The following UCK2 variants were observed in gnomAD, a reference collection of about 807,000 sequenced individuals.
UCK2 encodes the protein cytidine monophosphokinase 2.
Under a neutral mutation model 30.8 loss-of-function variants are expected in UCK2, and 6 were observed. The ratio of observed to expected loss-of-function variants is 0.19; its 90% confidence interval spans 0.11 to 0.38. The LOEUF (loss-of-function observed/expected upper bound fraction) is 0.38. Among genes scored for constraint, UCK2 ranks in the 10% least tolerant of loss-of-function variants. The pLI, the probability that UCK2 is intolerant of heterozygous loss-of-function variation, is 1.00. For synonymous variants in UCK2, 125 were observed against 133.6 expected (o/e 0.94, Z 0.45); for missense variants, 210 against 339.8 (o/e 0.62, Z 3.00).
chr1:165,889,934 C>T (rs1323748631), intron 1 of UCK2, among the ~76,000 whole-genome samples: 1 of 152,084 alleles, frequency 6.6e-6, no homozygotes, highest in African/African-American at 2.4e-5. Context: ...CAAGTGGGAA[C>T]ATGCAGTATT....
chr1:165,843,054 G>A (rs1405402728), intron 1 of UCK2, among the ~76,000 whole-genome samples: 3 of 151,864 alleles, frequency 2.0e-5, no homozygotes, highest in African/African-American at 7.2e-5. Flanking sequence ...TCTGTCAGTT[G>A]ACTGCAATCT....
rs1311576487 is a variant in UCK2 at position 165,852,229 on chromosome 1, TTAAAC to T, written c.99+24302_99+24306del. ...TGATAAATTGATAAAGTTGATCTAA[TTAAAC>T]TAAAGAACTTCTGCACAGCAAAAGA... On this transcript the variant is annotated intron_variant, in intron 1 of 6. Transcript: ENST00000367879. Among the ~76,000 whole-genome samples, 7 of 152,324 alleles carry T rather than the reference TTAAAC, an allele frequency of 4.6e-5. No homozygotes were observed. The East Asian group carries it at 7.7e-4, about 17-fold the overall frequency.
At chr1:165,855,875 A>G (rs1395916747) in intron 1 of UCK2, among the ~76,000 whole-genome samples, 1 of 152,174 alleles carries the variant, frequency 6.6e-6, no homozygotes, top group Non-Finnish European at 1.5e-5. Flanking sequence ...TGCAGAGTAG[A>G]GAAATCAAAA....
intron 4 of UCK2, chr1:165,900,231 A>G (rs1012536580): frequency 8.5e-5 from 13 of 152,186 alleles, no homozygotes; most frequent in South Asian, 4.1e-4. Flanking sequence ...TGCCCTCCCA[A>G]CGCGTCCTCA....
Position 165,907,957 on chromosome 1 carries a change from AT to A in UCK2, c.*144del, listed in dbSNP as rs576483016. ...ACACCATGGAGATGAAATGCCTTTG[AT>A]TTTTTTTTTCTTTTTGTACTTTGGA... On this transcript the variant is annotated 3_prime_UTR_variant, in exon 7 of 7. Transcript: ENST00000367879. 586 of 1,237,246 alleles carry A rather than the reference AT, an allele frequency of 4.7e-4. No individual in the cohort carries two copies. Among genetic ancestry groups the A allele is most frequent in the South Asian group, 6.9e-4 (37 of 53,286 alleles). The allele number at this position is 1,237,246 out of a possible 1,614,324, so 76.6% of individuals were successfully genotyped here.
rs1647795895 is a variant in UCK2, at chr1:165,909,933, C to T, written c.*2110C>T. ...GGTGCCAAACCATTTAGTGCCTTGG[C>T]TGTTTATCCCACTGCCTTGGAAGAT... On this transcript the variant is annotated 3_prime_UTR_variant, in exon 7 of 7. Transcript: ENST00000367879. The T allele has an allele frequency of 6.6e-6, 1 of 152,266 alleles. No homozygotes were observed. Among genetic ancestry groups the T allele is most frequent in the Non-Finnish European group, 1.5e-5 (1 of 68,070 alleles). The allele number at this position is 152,266 out of a possible 1,614,324, so 9.4% of individuals were successfully genotyped here. A position where few individuals can be genotyped will look rare whatever the true frequency, so the allele number is the denominator to read the frequency against.
At chr1:165,897,576 G>A (rs1464963701) in intron 4 of UCK2, among the ~76,000 whole-genome samples, 1 of 152,138 alleles carries the variant, frequency 6.6e-6, no homozygotes, top group African/African-American at 2.4e-5. Flanking sequence ...CTAGTCACAG[G>A]ACACATTATT....
At chr1:165,880,592 T>G (rs976615584) in intron 1 of UCK2, among the ~76,000 whole-genome samples, 7 of 99,600 alleles carry the variant, frequency 7.0e-5, no homozygotes, top group East Asian at 2.6e-4. Flanking sequence ...TGTGTGTGTG[T>G]GTGTGTGTGT....
intron 1 of UCK2, chr1:165,885,232 A>C (rs556263967): frequency 2.8e-5 from 11 of 393,870 alleles, no homozygotes; most frequent in African/African-American, 2.1e-4. Context: ...TTGGAGTTAG[A>C]CCTATGGTTT....
chr1:165,831,575 C>A (rs1206691978), intron 1 of UCK2, among the ~76,000 whole-genome samples: 1 of 152,146 alleles, frequency 6.6e-6, no homozygotes, highest in African/African-American at 2.4e-5. Context: ...ACTAAAATAG[C>A]CTCTGAAACG....
In UCK2 at chr1:165,909,456, G is replaced by C. The variant is rs986471299; in HGVS notation, c.*1633G>C. 1 of 152,158 alleles carries C rather than the reference G, an allele frequency of 6.6e-6. No individual in the cohort carries two copies. The allele number at this position is 152,158 out of a possible 1,614,324, so 9.4% of individuals were successfully genotyped here. ...GTAAATTGGTCTCCATTATTACCTG[G>C]TCACACCAGATTTTCCCCCAGACTC... On this transcript the variant is annotated 3_prime_UTR_variant, in exon 7 of 7. Coordinates refer to ENST00000367879, the MANE Select transcript of UCK2 (RefSeq NM_012474.5).
chr1:165,842,971 G>T (rs1654367091), intron 1 of UCK2, among the ~76,000 whole-genome samples: 1 of 152,174 alleles, frequency 6.6e-6, no homozygotes, highest in South Asian at 2.1e-4. Context: ...TGCTTCTGAT[G>T]TGCCTCTTTT....
intron 1 of UCK2, among the ~76,000 whole-genome samples, chr1:165,862,923 G>A (rs1261934505): frequency 6.6e-6 from 1 of 152,214 alleles, no homozygotes; most frequent in African/African-American, 2.4e-5. Context: ...GGACTTCCCT[G>A]TGTAGAAAAG....
rs59199336 is a variant in UCK2, at chr1:165,855,107, A to G, written c.99+27175A>G. ...AGGAGTGCAGATGGTTAGCCAGCCTATGTTTCTCCCACCCACCTTCGTTTT... is the reference window on the plus strand; with the variant it reads ...AGGAGTGCAGATGGTTAGCCAGCCTGTGTTTCTCCCACCCACCTTCGTTTT... On this transcript the variant is annotated intron_variant, in intron 1 of 6. Transcript: ENST00000367879. Among the ~76,000 whole-genome samples, 1,491 of 152,294 alleles carry G rather than the reference A, an allele frequency of 9.8e-3. 24 individuals are homozygous for G. The highest frequency in any genetic ancestry group is 0.034 in the African/African-American group (1,416 of 41,540).
intron 4 of UCK2, among the ~76,000 whole-genome samples, chr1:165,902,191 G>A (rs1001316381): frequency 1.3e-5 from 2 of 151,968 alleles, no homozygotes; most frequent in East Asian, 1.9e-4. Flanking sequence ...AGCTGAGATC[G>A]CGCCACTGCA....
intron 1 of UCK2, among the ~76,000 whole-genome samples, chr1:165,854,757 T>G (rs1370137046): frequency 1.3e-5 from 2 of 152,134 alleles, no homozygotes; most frequent in Non-Finnish European, 2.9e-5. Flanking sequence ...CCCCCACTCT[T>G]CCCACTTAAC....
rs1409685736 is a variant in UCK2 at position 165,889,793 on chromosome 1, T to C, written c.100-411T>C. 2.6e-5 allele frequency among the ~76,000 whole-genome samples: 4 copies of C among 151,394 alleles called. No homozygotes were observed. In the Admixed American group the frequency reaches 2.6e-4, roughly 10 times the overall value. On this transcript the variant is annotated intron_variant, in intron 1 of 6. Transcript: ENST00000367879. ...TATACAGATTATTTCATCACCCAGG[T>C]ATTAAGCCTAGTACCCATTAGTTAT...
At chr1:165,851,483 T>C (rs1336245825) in intron 1 of UCK2, among the ~76,000 whole-genome samples, 1 of 152,152 alleles carries the variant, frequency 6.6e-6, no homozygotes, top group African/African-American at 2.4e-5. Context: ...AAGACCTCCT[T>C]ATAGCCTGAT....
chr1:165,859,249 C>T (rs1350636095), intron 1 of UCK2, among the ~76,000 whole-genome samples: 1 of 151,068 alleles, frequency 6.6e-6, no homozygotes. Context: ...GAGGTTAACA[C>T]CATTTGTTAC....
Sources: allele counts gnomAD v4.1 joint callset (sites outside exome capture counted in the v4.1 genomes callset), GRCh38; gene constraint gnomAD v4.1.1; transcripts MANE v1.5; gene names NCBI Gene and HGNC (gene_info 2026-07-23, HGNC 2026-07-21).